The following NCAN variants were observed in gnomAD, a reference collection of about 807,000 sequenced individuals.
NCAN encodes neurocan, also known as neurocan core protein.
A neutral mutation model predicts 121.8 loss-of-function variants in NCAN; 47 were observed. The observed-to-expected ratio is 0.39, with a 90% CI of 0.31 to 0.49. The LOEUF (loss-of-function observed/expected upper bound fraction) is 0.49. Ranked by LOEUF, NCAN falls within the 20% of genes least tolerant of loss-of-function variation. The pLI, the probability that NCAN is intolerant of heterozygous loss-of-function variation, is 0.92. For synonymous variants in NCAN, 633 were observed against 702.0 expected (o/e 0.90, Z 1.55); for missense variants, 1,517 against 1,773.4 (o/e 0.86, Z 2.60).
intron 8 of NCAN, among the ~76,000 whole-genome samples, chr19:19,229,521 G>A (rs866315185): frequency 2.2e-4 from 33 of 152,310 alleles, no homozygotes; most frequent in Admixed American, 2.0e-4. Context: ...CATGCAAGGG[G>A]CGAGAATCAC....
chr19:19,213,242 G>T (rs1262461340), intron 1 of NCAN, among the ~76,000 whole-genome samples: 3 of 152,116 alleles, frequency 2.0e-5, no homozygotes, highest in Non-Finnish European at 4.4e-5. Context: ...GGATATGGGG[G>T]TTTTGTGTGT....
In NCAN at chr19:19,235,427, C is replaced by T. The variant is rs571601579; in HGVS notation, c.3250+331C>T. Among the ~76,000 whole-genome samples the T allele has an allele frequency of 2.7e-3, 409 of 151,986 alleles. 1 individual carries two copies. Among genetic ancestry groups the T allele is most frequent in the Non-Finnish European group, 3.5e-3 (235 of 67,984 alleles). ...CTGGGATTACAGGCGCCCGCCACCA[C>T]GCCTGGCTAATTTTTGTATTTTTTA... On this transcript the variant is annotated intron_variant, in intron 10 of 14. Coordinates refer to ENST00000252575, the MANE Select transcript of NCAN (RefSeq NM_004386.3).
At chr19:19,231,508 T>C (rs551362418) in intron 8 of NCAN, among the ~76,000 whole-genome samples, 29 of 151,846 alleles carry the variant, frequency 1.9e-4, no homozygotes, top group Admixed American at 3.9e-4. Flanking sequence ...TTTATACTTT[T>C]AGTAGAGATG....
At chr19:19,216,906 G>T in intron 1 of NCAN, 41 bp from the exon 2 acceptor site, 1 of 1,196,012 alleles carries the variant, frequency 8.4e-7, no homozygotes. Context: ...GGGAGGGTTG[G>T]GCTGTGGCTC....
At chr19:19,248,219 C>A (rs2060932370) in intron 13 of NCAN, among the ~76,000 whole-genome samples, 1 of 152,046 alleles carries the variant, frequency 6.6e-6, no homozygotes, top group Admixed American at 6.6e-5. Flanking sequence ...ACAAGGTGGG[C>A]AGCTCATCTG....
At chr19:19,244,412 A>C (rs1568603222) in intron 12 of NCAN, among the ~76,000 whole-genome samples, 1 of 149,256 alleles carries the variant, frequency 6.7e-6, no homozygotes, top group African/African-American at 2.5e-5. Context: ...GGCTCAAGGG[A>C]TTCTCCTGCT....
Position 19,240,699 on chromosome 19 carries a change from G to C in NCAN, c.3492+14G>C, listed in dbSNP as rs1299556175. On this transcript the variant is annotated intron_variant, in intron 12 of 14. Coordinates refer to ENST00000252575, the MANE Select transcript of NCAN (RefSeq NM_004386.3). ...AACACCGGGCTGGTGAGTGGCAGGG[G>C]CTGCGGGCCTAGGCTGCTGAGCCAC... 3.1e-6 allele frequency: 5 copies of C among 1,613,198 alleles called. No individual in the cohort carries two copies. Among genetic ancestry groups the C allele is most frequent in the Non-Finnish European group, 4.2e-6 (5 of 1,179,392 alleles).
intron 12 of NCAN, among the ~76,000 whole-genome samples, chr19:19,242,013 G>A (rs2060905031): frequency 6.6e-6 from 1 of 151,956 alleles, no homozygotes; most frequent in Non-Finnish European, 1.5e-5. Flanking sequence ...TGGCCAATGT[G>A]GTGAAACCCC....
Position 19,240,638 on chromosome 19 carries a change from G to A in NCAN, c.3445G>A (p.Asp1149Asn). 1 of 1,614,136 alleles carries A rather than the reference G, an allele frequency of 6.2e-7. No individual in the cohort carries two copies. Among genetic ancestry groups the A allele is most frequent in the Non-Finnish European group, 8.5e-7 (1 of 1,180,042 alleles). ...GHENTWIGLN[D>N]RIVERDFQWT... The stretch of plus-strand genomic sequence containing the variant: ...TGAAAACACGTGGATCGGCCTGAAC[G>A]ACAGGATCGTGGAGAGAGATTTCCA... Residue 1149 changes from aspartate to asparagine, a missense_variant, in exon 12 of 15, where the codon GAC becomes AAC. Coordinates refer to ENST00000252575, the MANE Select transcript of NCAN (RefSeq NM_004386.3).
At chr19:19,243,682 T>C (rs770435686) in intron 12 of NCAN, among the ~76,000 whole-genome samples, 4 of 151,244 alleles carry the variant, frequency 2.6e-5, no homozygotes, top group Non-Finnish European at 5.9e-5. Context: ...GCCTGGATAA[T>C]AGAGACTCTG....
chr19:19,222,555 A>G (rs2060820592), intron 3 of NCAN, among the ~76,000 whole-genome samples: 1 of 152,182 alleles, frequency 6.6e-6, no homozygotes, highest in African/African-American at 2.4e-5. Context: ...CTGGGATTAC[A>G]GGCATGAGCT....
Position 19,227,731 on chromosome 19 carries a change from A to G in NCAN, c.2111A>G (p.Asp704Gly). The G allele has an allele frequency of 1.2e-6, 2 of 1,613,902 alleles. No individual in the cohort carries two copies. The highest frequency in any genetic ancestry group is 1.7e-6 in the Non-Finnish European group (2 of 1,180,030). ...MPTTPESPRA[D>G]FRETGETSPA... is the part of the protein sequence containing the mutation. ...ACAACACCTGAGTCCCCCAGGGCAG[A>G]CTTCAGAGAAACTGGGGAGACCAGC... Residue 704 changes from aspartate to glycine, a missense_variant, in exon 8 of 15, where the codon GAC (aspartate) becomes GGC (glycine). Transcript: ENST00000252575. This position sits in a 1 kb window ranked among gnomAD's most constrained non-coding sequence, Gnocchi z 4.2.
intron 14 of NCAN, among the ~76,000 whole-genome samples, chr19:19,249,474 C>A (rs185951216): frequency 1.6e-4 from 24 of 152,266 alleles, no homozygotes; most frequent in Non-Finnish European, 2.1e-4. Flanking sequence ...CTCAAGGGAT[C>A]CTCCAAACTC....
chr19:19,235,277 A>G (rs547799319), intron 10 of NCAN, among the ~76,000 whole-genome samples, 181 bp downstream of exon 10: 4 of 152,172 alleles, frequency 2.6e-5, no homozygotes, highest in African/African-American at 9.6e-5. Flanking sequence ...ACTTTATTTT[A>G]TTATTTTTTT....
chr19:19,232,231 A>C (rs539836521), intron 8 of NCAN, among the ~76,000 whole-genome samples: 1 of 152,328 alleles, frequency 6.6e-6, no homozygotes, highest in South Asian at 2.1e-4. Context: ...CAACCACAGC[A>C]GGATGGAGAT....
In NCAN at chr19:19,245,282, C is replaced by G. The variant is rs779620145; in HGVS notation, c.3493-31C>G. The G allele has an allele frequency of 4.3e-6, 7 of 1,611,530 alleles. No individual in the cohort carries two copies. In the East Asian group the frequency reaches 1.6e-4, roughly 36 times the overall value. On this transcript the variant is annotated intron_variant, in intron 12 of 14. Coordinates refer to ENST00000252575, the MANE Select transcript of NCAN (RefSeq NM_004386.3). ...GAACCTGGGCTGGAACAGAGGTCCC[C>G]TGAACAACTCCCTGCCCCCTATTCC...
Position 19,252,159 on chromosome 19 carries a change from G to A in NCAN, c.*2248G>A, listed in dbSNP as rs1187547772. On this transcript the variant is annotated 3_prime_UTR_variant, in exon 15 of 15. Coordinates refer to ENST00000252575, the MANE Select transcript of NCAN (RefSeq NM_004386.3). ...GTTTTGCTGTGAGCTGCAGTGTTCTGTGGGTCTGTGGTATCTGACACTGTG... is the reference window on the plus strand; with the variant it reads ...GTTTTGCTGTGAGCTGCAGTGTTCTATGGGTCTGTGGTATCTGACACTGTG... 6.5e-6 allele frequency: 1 copy of A among 152,886 alleles called. No homozygotes were observed. Among genetic ancestry groups the A allele is most frequent in the Non-Finnish European group, 1.5e-5 (1 of 68,122 alleles). 9.5% of individuals were successfully genotyped at this position (152,886 alleles called of 1,614,324 possible).
intron 2 of NCAN, among the ~76,000 whole-genome samples, 197 bp from the exon 3 acceptor site, chr19:19,218,718 C>T (rs926952664): frequency 8.5e-5 from 13 of 152,158 alleles, no homozygotes; most frequent in African/African-American, 3.1e-4. Context: ...GTGATTTGCC[C>T]GCCTTGGTCT....
intron 11 of NCAN, chr19:19,238,675 GAC>G (rs1341119822): frequency 4.7e-5 from 24 of 509,696 alleles, no homozygotes; most frequent in Non-Finnish European, 8.2e-5. Flanking sequence ...CAGGAATATT[GAC>G]ACAGCACAGC....
Sources: gnomAD v4.1 joint callset for allele counts (sites outside exome capture counted in the v4.1 genomes callset) on GRCh38, gnomAD v4.1.1 for gene constraint, Gnocchi (gnomAD v3.1) non-coding constraint, MANE v1.5 for transcripts, NCBI Gene and HGNC (gene_info 2026-07-23, HGNC 2026-07-21) for gene names.